Variants in CSTPP1 observed in about 807,000 individuals in gnomAD.
CSTPP1 encodes UPF0705 protein C11orf49.
the CSTPP1 span, among the ~76,000 whole-genome samples, chr11:46,958,956 A>C: frequency 6.6e-6 from 1 of 152,120 alleles, no homozygotes; most frequent in Non-Finnish European, 1.5e-5. Context: ...TATTCAATCT[A>C]CTCATTCAAA....
the CSTPP1 span, among the ~76,000 whole-genome samples, chr11:46,968,373 A>T: frequency 3.4e-5 from 5 of 146,882 alleles, no homozygotes; most frequent in East Asian, 9.7e-4. Context: ...ATATATAATT[A>T]TATATAATAT....
At chr11:47,049,909 A>C in the CSTPP1 span, among the ~76,000 whole-genome samples, 215 of 152,276 alleles carry the variant, frequency 1.4e-3, 2 homozygotes, top group Admixed American at 3.1e-3. Flanking sequence ...GTGGGAAAAG[A>C]AGGTGGGGAA....
At chr11:47,041,594 C>A in the CSTPP1 span, 897 of 405,342 alleles carry the variant, frequency 2.2e-3, 161 homozygotes, top group South Asian at 0.015. Context: ...CCGGGAAAGG[C>A]GCTCATGGCT....
At chr11:46,982,130 A>T in the CSTPP1 span, among the ~76,000 whole-genome samples, 23,711 of 150,742 alleles carry the variant, frequency 0.16, 6,271 homozygotes, top group African/African-American at 0.55. Flanking sequence ...TTTTTTTTTT[A>T]AATCTCAGAG....
chr11:47,156,658 C>T, the CSTPP1 span, among the ~76,000 whole-genome samples: 95 of 152,260 alleles, frequency 6.2e-4, no homozygotes, highest in African/African-American at 2.2e-3. Context: ...GGCATGACCC[C>T]GCCTTTGTGC....
the CSTPP1 span, among the ~76,000 whole-genome samples, chr11:47,022,008 T>G: frequency 6.6e-6 from 1 of 151,850 alleles, no homozygotes; most frequent in African/African-American, 2.4e-5. Context: ...CACTCTGTTC[T>G]ACCTTGGTCT....
chr11:46,969,562 C>T, the CSTPP1 span, among the ~76,000 whole-genome samples: 1 of 152,028 alleles, frequency 6.6e-6, no homozygotes, highest in Non-Finnish European at 1.5e-5. Context: ...CTAGAATGCT[C>T]GTAGTGGCAC....
the CSTPP1 span, among the ~76,000 whole-genome samples, chr11:46,958,854 G>C: frequency 6.6e-6 from 1 of 152,198 alleles, no homozygotes; most frequent in African/African-American, 2.4e-5. Flanking sequence ...AGATGAGAGG[G>C]AGAATTTGCC....
the CSTPP1 span, among the ~76,000 whole-genome samples, chr11:47,139,472 G>A: frequency 1.1e-3 from 175 of 152,200 alleles, no homozygotes; most frequent in Middle Eastern, 6.8e-3. Flanking sequence ...TCAGGAGTTC[G>A]AGACCAACCT....
the CSTPP1 span, among the ~76,000 whole-genome samples, chr11:47,136,788 G>A: frequency 6.6e-6 from 1 of 152,092 alleles, no homozygotes; most frequent in South Asian, 2.1e-4. Context: ...TTCCATATTC[G>A]AAATGCTTTG....
chr11:47,152,015 C>CATAG, the CSTPP1 span, among the ~76,000 whole-genome samples: 1 of 152,082 alleles, frequency 6.6e-6, no homozygotes, highest in African/African-American at 2.4e-5. Flanking sequence ...AGATACCTGC[C>CATAG]TCTATAGGCG....
chr11:47,041,038 G>T, the CSTPP1 span: 1 of 175,020 alleles, frequency 5.7e-6, no homozygotes. Flanking sequence ...GGTGCTACAG[G>T]GCTTGTAGGG....
chr11:46,970,114 G>A, the CSTPP1 span, among the ~76,000 whole-genome samples: 325 of 152,188 alleles, frequency 2.1e-3, no homozygotes, highest in African/African-American at 7.5e-3. Context: ...AGGGGTTAGG[G>A]ACTAGACAGT....
chr11:47,086,280 C>A, the CSTPP1 span, among the ~76,000 whole-genome samples: 1 of 146,734 alleles, frequency 6.8e-6, no homozygotes, highest in Non-Finnish European at 1.5e-5. Context: ...GTAGTACATA[C>A]CTGTAATCCC....
At chr11:47,122,105 T>A in the CSTPP1 span, among the ~76,000 whole-genome samples, 148 of 120,870 alleles carry the variant, frequency 1.2e-3, no homozygotes, top group African/African-American at 3.6e-3. Flanking sequence ...TATATATATA[T>A]ATATATATAT....
At chr11:47,074,804 G>T in the CSTPP1 span, among the ~76,000 whole-genome samples, 1 of 152,144 alleles carries the variant, frequency 6.6e-6, no homozygotes, top group South Asian at 2.1e-4. Context: ...ATTATTAAGT[G>T]CTTTCAATGT....
chr11:47,087,015 C>T, the CSTPP1 span, among the ~76,000 whole-genome samples: 1 of 152,064 alleles, frequency 6.6e-6, no homozygotes, highest in African/African-American at 2.4e-5. Context: ...TCCATGACAT[C>T]CTTGCGAACA....
At chr11:47,067,414 C>G in the CSTPP1 span, among the ~76,000 whole-genome samples, 1 of 152,086 alleles carries the variant, frequency 6.6e-6, no homozygotes, top group African/African-American at 2.4e-5. Context: ...TGTCTGCCCC[C>G]CCCAAATTCC....
chr11:47,032,719 A>G, the CSTPP1 span, among the ~76,000 whole-genome samples: 1 of 152,172 alleles, frequency 6.6e-6, no homozygotes, highest in Non-Finnish European at 1.5e-5. Context: ...ATCCCTGTGA[A>G]TTGGACAAAA....
Sources: allele counts gnomAD v4.1 joint callset (sites outside exome capture counted in the v4.1 genomes callset), GRCh38; gene constraint gnomAD v4.1.1; transcripts MANE v1.5; gene names NCBI Gene and HGNC (gene_info 2026-07-23, HGNC 2026-07-21).